RSU1: variants seen among roughly 807,000 people sequenced by gnomAD.
RSU1 encodes the protein Ras suppressor protein 1.
RSU1 carries 26 observed loss-of-function variants against 31.1 expected under a neutral mutation model. That is an observed-to-expected ratio of 0.84 (90% CI 0.61 to 1.16). The LOEUF (loss-of-function observed/expected upper bound fraction) is 1.16. Ranked by LOEUF, RSU1 falls within the 50% of genes most tolerant of loss-of-function variation. RSU1 has a pLI of 0.00. For synonymous variants in RSU1, 164 were observed against 136.3 expected (o/e 1.20, Z -1.41); for missense variants, 320 against 339.1 (o/e 0.94, Z 0.44).
intron 8 of RSU1, among the ~76,000 whole-genome samples, chr10:16,693,310 C>T (rs1021371788): frequency 6.6e-6 from 1 of 152,160 alleles, no homozygotes; most frequent in African/African-American, 2.4e-5. Context: ...AACATGGCCA[C>T]AGCAAGTGCT....
chr10:16,768,219 A>C (rs1313982685), intron 3 of RSU1, among the ~76,000 whole-genome samples: 1 of 152,050 alleles, frequency 6.6e-6, no homozygotes, highest in Non-Finnish European at 1.5e-5. Flanking sequence ...TCAACTCATA[A>C]CCTCTCTGGG....
chr10:16,682,571 CATGCAT>C (rs1356923953), intron 8 of RSU1, among the ~76,000 whole-genome samples: 2 of 147,666 alleles, frequency 1.4e-5, no homozygotes, highest in Non-Finnish European at 3.0e-5. Flanking sequence ...CACACACACA[CATGCAT>C]GCATGTTACC....
chr10:16,790,468 T>C (rs1387635395), intron 2 of RSU1, among the ~76,000 whole-genome samples: 3 of 152,296 alleles, frequency 2.0e-5, no homozygotes, highest in African/African-American at 7.2e-5. Flanking sequence ...ACAATGGCAG[T>C]TCAGAAAGAG....
intron 2 of RSU1, among the ~76,000 whole-genome samples, chr10:16,806,260 G>C (rs1399213195): frequency 1.3e-5 from 2 of 152,178 alleles, no homozygotes; most frequent in Admixed American, 6.5e-5. Flanking sequence ...ATGGCTTCTA[G>C]AACATGACCG....
At chr10:16,785,437 T>TAC (rs780607775) in intron 2 of RSU1, among the ~76,000 whole-genome samples, 3 of 136,374 alleles carry the variant, frequency 2.2e-5, no homozygotes, top group African/African-American at 9.0e-5. Context: ...CATATATATA[T>TAC]ATACACATAT....
chr10:16,743,494 A>G (rs1004269685), intron 7 of RSU1, among the ~76,000 whole-genome samples: 2 of 152,234 alleles, frequency 1.3e-5, no homozygotes, highest in Non-Finnish European at 2.9e-5. Context: ...AAAAACTAAG[A>G]TATGTCTGTA....
intron 3 of RSU1, among the ~76,000 whole-genome samples, chr10:16,771,287 A>C (rs1459217410): frequency 2.0e-5 from 3 of 152,222 alleles, no homozygotes; most frequent in Non-Finnish European, 4.4e-5. Flanking sequence ...GCATTTGATG[A>C]ATATGATAGT....
intron 8 of RSU1, among the ~76,000 whole-genome samples, chr10:16,620,419 G>T (rs930782804): frequency 5.3e-5 from 8 of 151,984 alleles, no homozygotes; most frequent in African/African-American, 1.9e-4. Flanking sequence ...GATTTCTTTG[G>T]GAACTGACAT....
At chr10:16,648,891 AG>A (rs1454487182) in intron 8 of RSU1, among the ~76,000 whole-genome samples, 1 of 152,172 alleles carries the variant, frequency 6.6e-6, no homozygotes, top group Non-Finnish European at 1.5e-5. Flanking sequence ...CAACTATAAA[AG>A]CATTAGTATA....
At chr10:16,806,625 T>C (rs1247496777) in intron 2 of RSU1, among the ~76,000 whole-genome samples, 6 of 152,216 alleles carry the variant, frequency 3.9e-5, no homozygotes, top group Non-Finnish European at 7.3e-5. Flanking sequence ...GATGGCATGG[T>C]ATTTCAATCA....
At chr10:16,601,690 G>C (rs957789780) in intron 8 of RSU1, among the ~76,000 whole-genome samples, 4 of 152,186 alleles carry the variant, frequency 2.6e-5, no homozygotes. Context: ...CTGGCACCTG[G>C]CATGGAGCAG....
At chr10:16,691,927 TG>T (rs1835562803) in intron 8 of RSU1, among the ~76,000 whole-genome samples, 1 of 151,890 alleles carries the variant, frequency 6.6e-6, no homozygotes, top group Non-Finnish European at 1.5e-5. Flanking sequence ...TGAGTAGAAA[TG>T]GGGTTTCACC....
chr10:16,752,513 C>G (rs779136538), intron 7 of RSU1, 26 bp downstream of exon 7: 1 of 1,534,308 alleles, frequency 6.5e-7, no homozygotes, highest in South Asian at 1.1e-5. Flanking sequence ...AAACCCAGAA[C>G]TAAGTTCATT....
chr10:16,752,742 A>G lies in RSU1; in HGVS notation c.484-89T>C. ...CATCCTCTATGTCCTCTCTTCTACT[A>G]AAGCTCAATCCTTTCCATGTATTTA... On this transcript the variant is annotated intron_variant, in intron 6 of 8. Transcript: ENST00000345264. 5.5e-6 allele frequency: 6 copies of G among 1,098,256 alleles called. 1 individual carries two copies. The highest frequency in any genetic ancestry group is 3.7e-5 in the Admixed American group (2 of 53,802). The allele number at this position is 1,098,256 out of a possible 1,614,324, so 68.0% of individuals were successfully genotyped here.
intron 7 of RSU1, among the ~76,000 whole-genome samples, chr10:16,726,029 G>T (rs1219691088): frequency 6.6e-6 from 1 of 151,058 alleles, no homozygotes; most frequent in Non-Finnish European, 1.5e-5. Flanking sequence ...ACGTATATAT[G>T]TGTATATACA....
intron 8 of RSU1, among the ~76,000 whole-genome samples, chr10:16,631,331 G>C (rs1001425083): frequency 6.6e-6 from 1 of 152,172 alleles, no homozygotes; most frequent in Non-Finnish European, 1.5e-5. Context: ...AGCCCAGGGC[G>C]CACTGGCACT....
chr10:16,779,671 C>CA (rs1325164379), intron 3 of RSU1, among the ~76,000 whole-genome samples: 1 of 152,050 alleles, frequency 6.6e-6, no homozygotes, highest in African/African-American at 2.4e-5. Context: ...TTTAATGTGG[C>CA]GTTGTCAGCT....
intron 8 of RSU1, among the ~76,000 whole-genome samples, chr10:16,683,340 G>C (rs1835372293): frequency 6.6e-6 from 1 of 152,120 alleles, no homozygotes. Flanking sequence ...CTGGGCATTT[G>C]AGTAACAATA....
intron 8 of RSU1, among the ~76,000 whole-genome samples, chr10:16,639,370 C>T (rs751044488): frequency 6.6e-6 from 1 of 152,186 alleles, no homozygotes; most frequent in South Asian, 2.1e-4. Context: ...AAACAGCAGC[C>T]CTTACTATTA....
Sources: allele counts gnomAD v4.1 joint callset (sites outside exome capture counted in the v4.1 genomes callset), GRCh38; gene constraint gnomAD v4.1.1; transcripts MANE v1.5; gene names NCBI Gene and HGNC (gene_info 2026-07-23, HGNC 2026-07-21).